Variants in CCDC126 observed in about 807,000 individuals in gnomAD.
CCDC126 encodes coiled-coil domain containing 126, also known as coiled-coil domain-containing protein 126.
In CCDC126, 5 loss-of-function variants were observed where a neutral mutation model predicts 11.7. The observed-to-expected ratio is 0.43, with a 90% confidence interval of 0.22 to 0.90. CCDC126 has a LOEUF of 0.90. Among genes scored for constraint, CCDC126 ranks in the 40% least tolerant of loss-of-function variants. The pLI is 0.27. For missense variants in CCDC126, 150 were observed against 163.1 expected (o/e 0.92, Z 0.44); for synonymous variants, 60 against 61.9 (o/e 0.97, Z 0.14).
chr7:23,627,230 T>C (rs1197894611), intron 3 of CCDC126, among the ~76,000 whole-genome samples: 1 of 152,066 alleles, frequency 6.6e-6, no homozygotes, highest in Non-Finnish European at 1.5e-5. Context: ...AAAAAATAGA[T>C]GCCAGCCAGG....
chr7:23,629,258 A>G (rs1783064783), intron 3 of CCDC126, among the ~76,000 whole-genome samples: 1 of 152,150 alleles, frequency 6.6e-6, no homozygotes, highest in African/African-American at 2.4e-5. Flanking sequence ...TATGAATGGG[A>G]TTAATGCCCT....
intron 2 of CCDC126, chr7:23,598,510 G>C (rs946497230): frequency 1.8e-4 from 27 of 152,202 alleles, no homozygotes; most frequent in African/African-American, 6.5e-4. Context: ...CTGTGGATCA[G>C]CTTCAGAGGT....
rs1783148151 is a variant in CCDC126 at position 23,633,322 on chromosome 7, A to G, written c.239-9609A>G. Among the ~76,000 whole-genome samples the G allele has an allele frequency of 1.3e-5, 2 of 151,686 alleles. 1 individual carries two copies. The highest frequency in any genetic ancestry group is 1.3e-4 in the Admixed American group (2 of 15,252). The stretch of plus-strand genomic sequence containing the variant: ...TTGCAATCTTAAGAAGAGAAGTAAT[A>G]AAGTAATTCTTGAGTGACATAATTT... On this transcript the variant is annotated intron_variant, in intron 3 of 3. Transcript: ENST00000307471.
intron 3 of CCDC126, among the ~76,000 whole-genome samples, chr7:23,637,912 C>A (rs1783267329): frequency 1.7e-5 from 2 of 118,426 alleles, no homozygotes; most frequent in African/African-American, 3.1e-5. Context: ...GCCGCCCCTA[C>A]TGGGAAGTGA....
intron 3 of CCDC126, among the ~76,000 whole-genome samples, chr7:23,628,147 CA>C (rs1783045926): frequency 6.6e-6 from 1 of 152,158 alleles, no homozygotes; most frequent in Non-Finnish European, 1.5e-5. Context: ...AAATTTCTCA[CA>C]CCGGGGACTT....
chr7:23,612,404 G>A (rs529723526), intron 3 of CCDC126, among the ~76,000 whole-genome samples: 41 of 145,564 alleles, frequency 2.8e-4, no homozygotes, highest in African/African-American at 1.1e-3. Flanking sequence ...GAACCCAGGA[G>A]GTGGAGGTTG....
At chr7:23,597,634 C>G (rs1782442839) in intron 1 of CCDC126, 29 bp downstream of exon 1, 1 of 152,440 alleles carries the variant, frequency 6.6e-6, no homozygotes, top group African/African-American at 2.4e-5. Flanking sequence ...GTCCGCCAGC[C>G]GGGCCCGCAC....
intron 3 of CCDC126, among the ~76,000 whole-genome samples, chr7:23,628,031 T>C (rs951944585): frequency 4.6e-5 from 7 of 152,178 alleles, no homozygotes; most frequent in African/African-American, 1.2e-4. Context: ...ATTTTAAAAA[T>C]ATATAAATTA....
At chr7:23,600,571 C>T (rs1289669734) in intron 2 of CCDC126, among the ~76,000 whole-genome samples, 2 of 152,098 alleles carry the variant, frequency 1.3e-5, no homozygotes, top group Non-Finnish European at 2.9e-5. Flanking sequence ...TAAATCTATG[C>T]CTCTCTAGCT....
chr7:23,605,761 G>T (rs1782612694), intron 2 of CCDC126, among the ~76,000 whole-genome samples: 2 of 152,148 alleles, frequency 1.3e-5, no homozygotes, highest in Non-Finnish European at 2.9e-5. Context: ...TATGAATAAT[G>T]CTGCAATGAA....
chr7:23,613,219 G>A (rs1215666872), intron 3 of CCDC126, among the ~76,000 whole-genome samples: 1 of 152,044 alleles, frequency 6.6e-6, no homozygotes, highest in Non-Finnish European at 1.5e-5. Flanking sequence ...GTTCAGGTGG[G>A]ACAACTGCTT....
At chr7:23,599,154 C>T (rs992943038) in intron 2 of CCDC126, among the ~76,000 whole-genome samples, 1 of 152,204 alleles carries the variant, frequency 6.6e-6, no homozygotes, top group African/African-American at 2.4e-5. Flanking sequence ...TGCACAGTTT[C>T]TCTGCATTTT....
intron 3 of CCDC126, among the ~76,000 whole-genome samples, chr7:23,630,718 CAAAAAAAA>C (rs775279967): frequency 0.056 from 1,424 of 25,462 alleles, 36 homozygotes; most frequent in African/African-American, 0.17. Flanking sequence ...GACCCTATCT[CAAAAAAAA>C]AAAAAAAAAA....
chr7:23,638,975 T>C (rs1023955945), intron 3 of CCDC126, among the ~76,000 whole-genome samples: 2 of 151,460 alleles, frequency 1.3e-5, no homozygotes, highest in African/African-American at 4.8e-5. Flanking sequence ...TATTTATGAT[T>C]TAGTCTTACT....
At chr7:23,621,018 C>T (rs1405487951) in intron 3 of CCDC126, among the ~76,000 whole-genome samples, 1 of 152,218 alleles carries the variant, frequency 6.6e-6, no homozygotes, top group Non-Finnish European at 1.5e-5. Context: ...AGTGTGATGC[C>T]TCCAGCTTTG....
chr7:23,628,251 T>G (rs1783047715), intron 3 of CCDC126, among the ~76,000 whole-genome samples: 1 of 152,174 alleles, frequency 6.6e-6, no homozygotes, highest in East Asian at 1.9e-4. Context: ...ACATTTTATA[T>G]AAGACTCTGG....
intron 3 of CCDC126, among the ~76,000 whole-genome samples, chr7:23,632,793 T>C (rs528486378): frequency 2.1e-4 from 32 of 152,342 alleles, no homozygotes; most frequent in Middle Eastern, 3.4e-3. Context: ...TAAAGGAAAG[T>C]CAATCTCAGA....
intron 2 of CCDC126, chr7:23,604,116 CA>C (rs1233662070): frequency 6.6e-6 from 1 of 152,166 alleles, no homozygotes; most frequent in East Asian, 1.9e-4. Flanking sequence ...TTCTCATCAG[CA>C]ACATGCTATT....
intron 3 of CCDC126, among the ~76,000 whole-genome samples, chr7:23,621,279 T>C (rs1019204731): frequency 1.4e-4 from 22 of 152,332 alleles, no homozygotes; most frequent in African/African-American, 4.8e-4. Context: ...TAGTTCTCCT[T>C]GAAGAGGTCC....
Sources: gnomAD v4.1 joint callset for allele counts (sites outside exome capture counted in the v4.1 genomes callset) on GRCh38, gnomAD v4.1.1 for gene constraint, MANE v1.5 for transcripts, NCBI Gene and HGNC (gene_info 2026-07-23, HGNC 2026-07-21) for gene names.